KLF17: variants seen among roughly 807,000 people sequenced by gnomAD.
The protein encoded by KLF17 is KLF transcription factor 17, also known as Krueppel-like factor 17.
Under a neutral mutation model 34.2 loss-of-function variants are expected in KLF17, and 31 were observed. That is an observed-to-expected ratio of 0.91 (90% CI 0.68 to 1.22). KLF17 has a LOEUF of 1.22. Ranked by LOEUF, KLF17 falls within the 50% of genes most tolerant of loss-of-function variation. KLF17 has a pLI of 0.00. For synonymous variants in KLF17, 179 were observed against 186.7 expected (o/e 0.96, Z 0.34); for missense variants, 478 against 505.2 (o/e 0.95, Z 0.52).
At chr1:44,129,307 T>G in intron 1 of KLF17, 46 bp from the exon 2 acceptor site, 1 of 1,504,688 alleles carries the variant, frequency 6.6e-7, no homozygotes, top group Non-Finnish European at 8.9e-7. Flanking sequence ...GAGGAACATG[T>G]GGAACTGGAA....
At chr1:44,075,572 T>A in the KLF17 span, among the ~76,000 whole-genome samples, 1 of 152,196 alleles carries the variant, frequency 6.6e-6, no homozygotes, top group East Asian at 1.9e-4. Flanking sequence ...GCCAGCCAAG[T>A]AGAGTCCTTG....
At chr1:44,118,526 C>G (rs2087904734), upstream of KLF17, among the ~76,000 whole-genome samples, 1 of 152,246 alleles carries the variant, frequency 6.6e-6, no homozygotes, top group South Asian at 2.1e-4. Context: ...GCCTCTCTCT[C>G]CAGCCTCCTC....
rs1571992924 is a variant in KLF17, at chr1:44,129,753, C to T, written c.482C>T (p.Ser161Leu). 3.1e-6 allele frequency: 5 copies of T among 1,614,162 alleles called. No homozygotes were observed. Among genetic ancestry groups the T allele is most frequent in the Non-Finnish European group, 4.2e-6 (5 of 1,180,028 alleles). ...ATGCCCCCCAATGGGCTGCCAGTCT[C>T]GGCTTCCACTGGAATCCCAATAATG... Reference protein sequence around the residue: ...LRMPPNGLPVSASTGIPIMSH... With the variant: ...LRMPPNGLPVLASTGIPIMSH... Residue 161 changes from serine to leucine, a missense_variant, in exon 2 of 4, where the codon TCG becomes TTG. Physicochemically the swap from Ser to Leu is moderately radical, Grantham distance 145. Transcript: ENST00000372299.
chr1:44,063,220 G>A, the KLF17 span, among the ~76,000 whole-genome samples: 2 of 152,208 alleles, frequency 1.3e-5, no homozygotes, highest in Non-Finnish European at 2.9e-5. Flanking sequence ...TGGCCAGACT[G>A]GGTTAACCAA....
chr1:44,118,822 T>C lies in KLF17; in HGVS notation c.-86T>C. On this transcript the variant is annotated 5_prime_UTR_variant, in exon 1 of 4. Transcript: ENST00000372299. ...AGGTAAATAGAAGGTGATTGTGGCG[T>C]GGCGATGTACCGATACCCGCCTGCG... The C allele has an allele frequency of 1.0e-6, 1 of 964,492 alleles. No homozygotes were observed. Among genetic ancestry groups the C allele is most frequent in the Admixed American group, 2.8e-5 (1 of 35,314 alleles). The allele number at this position is 964,492 out of a possible 1,614,324, so 59.7% of individuals were successfully genotyped here. A position where few individuals can be genotyped will look rare whatever the true frequency, so the allele number is the denominator to read the frequency against.
At chr1:44,058,515 T>C in the KLF17 span, among the ~76,000 whole-genome samples, 2 of 152,146 alleles carry the variant, frequency 1.3e-5, no homozygotes, top group African/African-American at 4.8e-5. Flanking sequence ...GGTCTCGAAC[T>C]CCTAACCTTG....
At chr1:44,097,959 T>C in the KLF17 span, among the ~76,000 whole-genome samples, 1 of 152,192 alleles carries the variant, frequency 6.6e-6, no homozygotes, top group Non-Finnish European at 1.5e-5. Context: ...ATCCCTGGTA[T>C]GAATTCCACT....
chr1:44,068,324 A>C, the KLF17 span, among the ~76,000 whole-genome samples: 8 of 152,216 alleles, frequency 5.3e-5, no homozygotes, highest in Non-Finnish European at 1.2e-4. Flanking sequence ...AGCCCCTTTC[A>C]TCAGCGTCTC....
the KLF17 span, among the ~76,000 whole-genome samples, chr1:44,065,405 G>GTTTTTT: frequency 8.4e-6 from 1 of 119,018 alleles, no homozygotes; most frequent in African/African-American, 3.5e-5. Flanking sequence ...ATAATCCTTG[G>GTTTTTT]TTTTTTTTTT....
chr1:44,118,848 A>G lies in KLF17; in HGVS notation c.-60A>G. On this transcript the variant is annotated 5_prime_UTR_variant, in exon 1 of 4. Coordinates refer to ENST00000372299, the MANE Select transcript of KLF17 (RefSeq NM_173484.4). ...GGCGATGTACCGATACCCGCCTGCG[A>G]CGCCGTGGTGGCTGGTTCCCTGTCT... 1 of 1,358,426 alleles carries G rather than the reference A, an allele frequency of 7.4e-7. No homozygotes were observed. The highest frequency in any genetic ancestry group is 2.4e-5 in the Admixed American group (1 of 41,214). The allele number at this position is 1,358,426 out of a possible 1,614,324, so 84.1% of individuals were successfully genotyped here.
chr1:44,098,896 ATTT>A, the KLF17 span, among the ~76,000 whole-genome samples: 2 of 136,180 alleles, frequency 1.5e-5, no homozygotes, highest in African/African-American at 2.7e-5. Flanking sequence ...ACTCACTTTA[ATTT>A]TTTTTTTTTT....
At chr1:44,093,640 C>T in the KLF17 span, among the ~76,000 whole-genome samples, 1 of 152,206 alleles carries the variant, frequency 6.6e-6, no homozygotes, top group Non-Finnish European at 1.5e-5. Context: ...AGTGATCCAC[C>T]TGCCTCTGCC....
chr1:44,134,575 C>T lies in KLF17; in HGVS notation c.*1338C>T. 6.6e-6 allele frequency: 1 copy of T among 152,284 alleles called. No homozygotes were observed. Among genetic ancestry groups the T allele is most frequent in the Non-Finnish European group, 1.5e-5 (1 of 68,004 alleles). The allele number at this position is 152,284 out of a possible 1,614,324, so 9.4% of individuals were successfully genotyped here. On this transcript the variant is annotated 3_prime_UTR_variant, in exon 4 of 4. Transcript: ENST00000372299. ...CTGTGGACTCTAGTAGATTTTGAATCCTGCCTCTGCCATTTCCTGGCTATG... is the reference window on the plus strand; with the variant it reads ...CTGTGGACTCTAGTAGATTTTGAATTCTGCCTCTGCCATTTCCTGGCTATG...
At chr1:44,079,821 G>T in the KLF17 span, among the ~76,000 whole-genome samples, 1 of 151,970 alleles carries the variant, frequency 6.6e-6, no homozygotes, top group Non-Finnish European at 1.5e-5. Context: ...TTGTTCTTTG[G>T]TGACGGCTCT....
the KLF17 span, among the ~76,000 whole-genome samples, chr1:44,054,740 C>T: frequency 1.3e-5 from 2 of 150,258 alleles, no homozygotes; most frequent in Non-Finnish European, 2.9e-5. Flanking sequence ...CTTGGCCTCC[C>T]AGAGTGCTGG....
Position 44,122,533 on chromosome 1 carries a change from T to C in KLF17, c.81+3545T>C, listed in dbSNP as rs1245807261. The C allele has an allele frequency of 3.6e-6, 3 of 828,420 alleles. No homozygotes were observed. The East Asian group carries it at 7.2e-5, about 20-fold the overall frequency. The allele number at this position is 828,420 out of a possible 1,614,324, so 51.3% of individuals were successfully genotyped here. On this transcript the variant is annotated intron_variant, in intron 1 of 3. Coordinates refer to ENST00000372299, the MANE Select transcript of KLF17 (RefSeq NM_173484.4). ...TTCATCCTAGCGGTGCCATCACCCT[T>C]TGGGTCCGATAGCACACTGAATCCA...
chr1:44,054,206 C>T, the KLF17 span, among the ~76,000 whole-genome samples: 1 of 152,262 alleles, frequency 6.6e-6, no homozygotes, highest in African/African-American at 2.4e-5. Context: ...CTGCCCCTGA[C>T]ATCAGGAGGA....
chr1:44,077,053 TA>T, the KLF17 span, among the ~76,000 whole-genome samples: 4 of 146,718 alleles, frequency 2.7e-5, no homozygotes, highest in African/African-American at 7.5e-5. Flanking sequence ...TCTTTTTTTT[TA>T]AAAAAAAAGA....
intron 1 of KLF17, among the ~76,000 whole-genome samples, chr1:44,127,190 T>C (rs970844659): frequency 2.0e-5 from 3 of 151,936 alleles, no homozygotes; most frequent in Non-Finnish European, 4.4e-5. Context: ...ATCATAGGCA[T>C]GAGCCACTGT....
Sources: allele counts gnomAD v4.1 joint callset (sites outside exome capture counted in the v4.1 genomes callset), GRCh38; gene constraint gnomAD v4.1.1; transcripts MANE v1.5; gene names NCBI Gene and HGNC (gene_info 2026-07-23, HGNC 2026-07-21).